NXPH1: variants seen among roughly 807,000 people sequenced by gnomAD.
NXPH1 encodes the protein neurexophilin 1.
A neutral mutation model predicts 23.7 loss-of-function variants in NXPH1; 5 were observed. The observed-to-expected ratio is 0.21, with a 90% CI of 0.11 to 0.44. The LOEUF (loss-of-function observed/expected upper bound fraction) is 0.44, where lower values mean the gene tolerates loss of function less well. Among genes scored for constraint, NXPH1 ranks in the 20% least tolerant of loss-of-function variants. The probability of loss-of-function intolerance (pLI) is 0.99; values close to 1 mark genes in which losing one functional copy is unlikely to be tolerated. For missense variants in NXPH1, 324 were observed against 321.6 expected, an observed-to-expected ratio of 1.01 and a Z score of -0.06; for synonymous variants, 144 against 122.2, an observed-to-expected ratio of 1.18 and a Z score of -1.18.
At chr7:8,541,877 G>T (rs1032669191) in intron 2 of NXPH1, among the ~76,000 whole-genome samples, 4 of 151,480 alleles carry the variant, frequency 2.6e-5, no homozygotes, top group Non-Finnish European at 5.9e-5. Context: ...CAACAGAGAG[G>T]ATAAAATGGA....
intron 2 of NXPH1, among the ~76,000 whole-genome samples, chr7:8,444,815 G>A (rs550409919): frequency 2.0e-5 from 3 of 152,292 alleles, no homozygotes; most frequent in Middle Eastern, 3.4e-3. Flanking sequence ...TAAAATGATC[G>A]CATTTATAAT....
chr7:8,492,307 T>C lies in NXPH1; in HGVS notation c.54+56540T>C, dbSNP rs139113725. On this transcript the variant is annotated intron_variant, in intron 2 of 2. Transcript: ENST00000405863. Reference sequence around the variant, plus strand: ...TCACTCTTATTAAGTTTGGCAGCACTACAGGGTGATGAATACTAAATTTGG... The same window carrying C: ...TCACTCTTATTAAGTTTGGCAGCACCACAGGGTGATGAATACTAAATTTGG... Among the ~76,000 whole-genome samples, 428 of 152,128 alleles carry C rather than the reference T, an allele frequency of 2.8e-3. 3 individuals carry two copies. Among genetic ancestry groups the C allele is most frequent in the African/African-American group, 9.8e-3 (406 of 41,554 alleles).
intron 2 of NXPH1, among the ~76,000 whole-genome samples, chr7:8,695,121 C>T (rs1821286016): frequency 1.3e-5 from 2 of 152,112 alleles, no homozygotes; most frequent in Non-Finnish European, 2.9e-5. Flanking sequence ...AAATTTTCTT[C>T]TATATTAAAT....
At chr7:8,741,609 G>A (rs771342657) in intron 2 of NXPH1, among the ~76,000 whole-genome samples, 7 of 152,066 alleles carry the variant, frequency 4.6e-5, no homozygotes, top group Non-Finnish European at 1.0e-4. Context: ...ACAGGTGTGA[G>A]GTGATATATC....
intron 2 of NXPH1, among the ~76,000 whole-genome samples, chr7:8,730,507 C>T (rs1045047142): frequency 6.6e-6 from 1 of 151,984 alleles, no homozygotes; most frequent in African/African-American, 2.4e-5. Context: ...TTTAGCACTT[C>T]CTTCAGGAGC....
At chr7:8,545,248 T>C (rs1044963093) in intron 2 of NXPH1, among the ~76,000 whole-genome samples, 3 of 151,524 alleles carry the variant, frequency 2.0e-5, no homozygotes, top group Admixed American at 2.0e-4. Flanking sequence ...GCTTTGTCAC[T>C]AGGACAATTT....
chr7:8,574,274 T>C (rs1818709075), intron 2 of NXPH1, among the ~76,000 whole-genome samples: 1 of 152,160 alleles, frequency 6.6e-6, no homozygotes, highest in Non-Finnish European at 1.5e-5. Context: ...TTTTAAATTT[T>C]CAAAATTAAA....
Position 8,646,651 on chromosome 7 carries a change from A to G in NXPH1, c.55-104357A>G, listed in dbSNP as rs182084430. Among the ~76,000 whole-genome samples, 198 of 152,200 alleles carry G rather than the reference A, an allele frequency of 1.3e-3. 1 individual carries two copies. The highest frequency in any genetic ancestry group is 4.7e-3 in the African/African-American group (194 of 41,546). On this transcript the variant is annotated intron_variant, in intron 2 of 2. Coordinates refer to ENST00000405863, the MANE Select transcript of NXPH1 (RefSeq NM_152745.3). ...GAGATTTTTGTTTTTAAAGTCTTGAATGCCAATTTTATAATATGTTTTTCC... is the reference window on the plus strand; with the variant it reads ...GAGATTTTTGTTTTTAAAGTCTTGAGTGCCAATTTTATAATATGTTTTTCC...
At position 8,651,043 on chromosome 7, in the gene NXPH1, A is replaced by G. The variant is rs1434355810; in HGVS notation, c.55-99965A>G. On this transcript the variant is annotated intron_variant, in intron 2 of 2. Coordinates refer to ENST00000405863, the MANE Select transcript of NXPH1 (RefSeq NM_152745.3). ...ATGTGCAGGTTAGTTACATATGTAT[A>G]CATGTGCCATGCTGGTGCGCTGCAC... Among the ~76,000 whole-genome samples, 3 of 150,746 alleles carry G rather than the reference A, an allele frequency of 2.0e-5. No homozygotes were observed. In the East Asian group the frequency reaches 5.9e-4, roughly 30 times the overall value.
At chr7:8,578,059 C>T (rs1023231865) in intron 2 of NXPH1, among the ~76,000 whole-genome samples, 23 of 152,108 alleles carry the variant, frequency 1.5e-4, no homozygotes, top group Admixed American at 4.6e-4. Flanking sequence ...CCCATCAAAA[C>T]GTTGAAAGAT....
At chr7:8,445,212 T>G (rs1163253122) in intron 2 of NXPH1, among the ~76,000 whole-genome samples, 2 of 152,248 alleles carry the variant, frequency 1.3e-5, no homozygotes, top group Admixed American at 1.3e-4. Context: ...CTTAATTTAC[T>G]TTTCTCAAGT....
chr7:8,487,878 A>C (rs898784575), intron 2 of NXPH1, among the ~76,000 whole-genome samples: 1 of 152,160 alleles, frequency 6.6e-6, no homozygotes, highest in Non-Finnish European at 1.5e-5. Flanking sequence ...TTGCCTTATT[A>C]AGTAATTTAA....
chr7:8,564,237 C>G (rs79267490), intron 2 of NXPH1, among the ~76,000 whole-genome samples: 1 of 151,722 alleles, frequency 6.6e-6, no homozygotes, highest in Non-Finnish European at 1.5e-5. Context: ...CCTCCTATAG[C>G]AAAACAGATT....
intron 2 of NXPH1, among the ~76,000 whole-genome samples, chr7:8,542,096 T>C (rs1818126807): frequency 6.6e-6 from 1 of 151,326 alleles, no homozygotes. Context: ...TTAATAACTA[T>C]ATGTGGCTTG....
intron 2 of NXPH1, among the ~76,000 whole-genome samples, chr7:8,735,835 G>T (rs940181764): frequency 1.3e-5 from 2 of 152,078 alleles, no homozygotes; most frequent in Non-Finnish European, 2.9e-5. Context: ...TCTATTCAGG[G>T]ATTCAATTTC....
intron 2 of NXPH1, among the ~76,000 whole-genome samples, chr7:8,677,600 G>T (rs984734476): frequency 6.6e-6 from 1 of 152,082 alleles, no homozygotes; most frequent in Admixed American, 6.5e-5. Context: ...TCTGAGAAAA[G>T]CTCCTGGCCA....
intron 2 of NXPH1, among the ~76,000 whole-genome samples, chr7:8,706,980 T>A (rs572000954): frequency 2.0e-5 from 3 of 152,186 alleles, no homozygotes; most frequent in Non-Finnish European, 4.4e-5. Flanking sequence ...ACACGAAAAT[T>A]GCAGACTTCA....
chr7:8,570,790 G>A (rs1818628312), intron 2 of NXPH1, among the ~76,000 whole-genome samples: 1 of 151,778 alleles, frequency 6.6e-6, no homozygotes, highest in Non-Finnish European at 1.5e-5. Context: ...TCTTTGGAAT[G>A]GAAAGGAACA....
chr7:8,490,170 C>T lies in NXPH1; in HGVS notation c.54+54403C>T, dbSNP rs145302053. Among the ~76,000 whole-genome samples the T allele has an allele frequency of 4.3e-3, 647 of 152,142 alleles. 4 individuals carry two copies. The highest frequency in any genetic ancestry group is 0.015 in the African/African-American group (608 of 41,544). Reference sequence around the variant, plus strand: ...GTTTTCCAAACCAAATATTTAAATGCTTTTCTGCTAATAAAAAATAATTTC... The same window carrying T: ...GTTTTCCAAACCAAATATTTAAATGTTTTTCTGCTAATAAAAAATAATTTC... On this transcript the variant is annotated intron_variant, in intron 2 of 2. Coordinates refer to ENST00000405863, the MANE Select transcript of NXPH1 (RefSeq NM_152745.3).
Sources: allele counts gnomAD v4.1 joint callset (sites outside exome capture counted in the v4.1 genomes callset), GRCh38; gene constraint gnomAD v4.1.1; transcripts MANE v1.5; gene names NCBI Gene and HGNC (gene_info 2026-07-23, HGNC 2026-07-21).